Variants in JPH2 observed in about 807,000 individuals in gnomAD.
JPH2 encodes junctophilin 2.
In JPH2, 38 loss-of-function variants were observed where a neutral mutation model predicts 55.9. That is an observed-to-expected ratio of 0.68 (90% CI 0.52 to 0.89). The LOEUF (loss-of-function observed/expected upper bound fraction) is 0.89. Among genes scored for constraint, JPH2 ranks in the 40% least tolerant of loss-of-function variants. The pLI is 0.00. For missense variants in JPH2, 964 were observed against 1,037.6 expected, an observed-to-expected ratio of 0.93 and a Z score of 0.97; for synonymous variants, 480 against 472.4, an observed-to-expected ratio of 1.02 and a Z score of -0.21.
At chr20:44,157,746 C>T (rs2072575820) in intron 2 of JPH2, among the ~76,000 whole-genome samples, 1 of 152,224 alleles carries the variant, frequency 6.6e-6, no homozygotes, top group Non-Finnish European at 1.5e-5. Context: ...CTGCCCACAT[C>T]AACGAGCTAA....
chr20:44,116,116 C>T lies in JPH2; in HGVS notation c.1559G>A (p.Gly520Asp). ...GAWNGEPSGE[G>D]SRSVTPSEGA... ...CTCGGACGGAGTGACTGACCGGCTGCCCTCACCGCTGGGCTCGCCGTTCCA... is the reference window on the plus strand; with the variant it reads ...CTCGGACGGAGTGACTGACCGGCTGTCCTCACCGCTGGGCTCGCCGTTCCA... The change falls in exon 4 of 6, where the codon GGC becomes GAC. Residue 520 changes from glycine to aspartate, a missense_variant. Transcript: ENST00000372980. The T allele has an allele frequency of 6.8e-7, 1 of 1,472,226 alleles. No homozygotes were observed. Among genetic ancestry groups the T allele is most frequent in the Non-Finnish European group, 8.9e-7 (1 of 1,123,136 alleles). 91.2% of individuals were successfully genotyped at this position (1,472,226 alleles called of 1,614,324 possible). A position where few individuals can be genotyped will look rare whatever the true frequency, so the allele number is the denominator to read the frequency against.
intron 2 of JPH2, among the ~76,000 whole-genome samples, chr20:44,148,416 A>T (rs1482303562): frequency 1.3e-5 from 2 of 152,074 alleles, no homozygotes; most frequent in African/African-American, 2.4e-5. Context: ...CTCCCGTTCC[A>T]GTGCTCCTTC....
In JPH2 at chr20:44,111,339, G is replaced by A. The variant is rs913107007; in HGVS notation, c.*2179C>T. Among the ~76,000 whole-genome samples, 2 of 152,166 alleles carry A rather than the reference G, an allele frequency of 1.3e-5. No homozygotes were observed. The highest frequency in any genetic ancestry group is 4.8e-5 in the African/African-American group (2 of 41,440). ...CATCTAATGTAATCCTCACTACCAG[G>A]AGGTAGGCTCTGTAATTATCCCCAT... On this transcript the variant is annotated 3_prime_UTR_variant, in exon 6 of 6. Transcript: ENST00000372980.
rs953910487 is a variant in JPH2 at position 44,111,261 on chromosome 20, T to C, written c.*2257A>G. Among the ~76,000 whole-genome samples the C allele has an allele frequency of 2.0e-5, 3 of 152,182 alleles. No individual in the cohort carries two copies. Among genetic ancestry groups the C allele is most frequent in the Admixed American group, 1.3e-4 (2 of 15,276 alleles). ...GCTTGTAGCAGAGCTAACAGCACCA[T>C]AGCGTGATAACAACACTCGTCTCCA... On this transcript the variant is annotated 3_prime_UTR_variant, in exon 6 of 6. Coordinates refer to ENST00000372980, the MANE Select transcript of JPH2 (RefSeq NM_020433.5).
At chr20:44,162,813 C>T (rs2028473) in intron 1 of JPH2, among the ~76,000 whole-genome samples, 58,602 of 113,338 alleles carry the variant, frequency 0.52, 16,187 homozygotes, top group Admixed American at 0.65. Flanking sequence ...CACACACACA[C>T]ACACACACAC....
chr20:44,129,823 A>C (rs944624809), intron 2 of JPH2, among the ~76,000 whole-genome samples: 7 of 152,136 alleles, frequency 4.6e-5, no homozygotes, highest in African/African-American at 1.7e-4. Context: ...TTGATAACAG[A>C]AGAGGAGAAG....
chr20:44,171,474 A>C (rs1353928854), intron 1 of JPH2, among the ~76,000 whole-genome samples: 1 of 152,166 alleles, frequency 6.6e-6, no homozygotes, highest in Admixed American at 6.5e-5. Context: ...GGGGTAGCCT[A>C]GAATCTACTA....
intron 1 of JPH2, among the ~76,000 whole-genome samples, chr20:44,161,392 T>G (rs1245888438): frequency 6.6e-6 from 1 of 152,038 alleles, no homozygotes; most frequent in East Asian, 1.9e-4. Flanking sequence ...TGCCTTATGT[T>G]AGCAGCCATC....
At chr20:44,164,951 C>T in intron 1 of JPH2, among the ~76,000 whole-genome samples, 1 of 151,792 alleles carries the variant, frequency 6.6e-6, no homozygotes, top group East Asian at 1.9e-4. Context: ...GATTCTCCTG[C>T]CTCAGCCTTC....
At chr20:44,121,848 C>A (rs976193682) in intron 2 of JPH2, among the ~76,000 whole-genome samples, 1 of 151,962 alleles carries the variant, frequency 6.6e-6, no homozygotes, top group Non-Finnish European at 1.5e-5. Context: ...AAAAAATTAG[C>A]CAGGTGTGGT....
chr20:44,148,680 T>G (rs371853555), intron 2 of JPH2, among the ~76,000 whole-genome samples: 30 of 151,984 alleles, frequency 2.0e-4, no homozygotes, highest in African/African-American at 6.8e-4. Context: ...TCCCCCACAA[T>G]CTAAGGTGGG....
chr20:44,175,847 G>T (rs2072729458), intron 1 of JPH2, among the ~76,000 whole-genome samples: 1 of 152,238 alleles, frequency 6.6e-6, no homozygotes, highest in Non-Finnish European at 1.5e-5. Context: ...AAATGATTGT[G>T]TGTGCAGAAG....
At chr20:44,141,361 G>C (rs919630926) in intron 2 of JPH2, among the ~76,000 whole-genome samples, 1 of 152,112 alleles carries the variant, frequency 6.6e-6, no homozygotes, top group African/African-American at 2.4e-5. Flanking sequence ...CTGAGTGTGA[G>C]GACAAAAGCC....
Position 44,107,610 on chromosome 20 carries a change from CATT to C in JPH2, c.*5905_*5907del, listed in dbSNP as rs1281220052. Among the ~76,000 whole-genome samples, 1 of 152,178 alleles carries C rather than the reference CATT, an allele frequency of 6.6e-6. No homozygotes were observed. The highest frequency in any genetic ancestry group is 1.5e-5 in the Non-Finnish European group (1 of 68,036). ...ATGGAAAAAACCTGGGTCCCTGAAT[CATT>C]ATGATGAGGGACAGCTATTCTATGA... On this transcript the variant is annotated 3_prime_UTR_variant, in exon 6 of 6. Transcript: ENST00000372980.
At chr20:44,114,740 G>T in intron 5 of JPH2, 42 bp downstream of exon 5, 1 of 1,453,632 alleles carries the variant, frequency 6.9e-7, no homozygotes, top group Non-Finnish European at 9.5e-7. Context: ...ACTCCCCAGG[G>T]GCTCCTGCCC....
intron 2 of JPH2, among the ~76,000 whole-genome samples, chr20:44,139,154 C>G (rs538014625): frequency 2.6e-5 from 4 of 152,118 alleles, no homozygotes; most frequent in South Asian, 2.1e-4. Flanking sequence ...TTTTTTCCCC[C>G]CAAGGACAAG....
intron 2 of JPH2, among the ~76,000 whole-genome samples, chr20:44,139,410 C>G (rs2072439537): frequency 6.6e-6 from 1 of 152,120 alleles, no homozygotes; most frequent in Non-Finnish European, 1.5e-5. Context: ...CTGGAAACTA[C>G]CCAAACATCC....
intron 2 of JPH2, among the ~76,000 whole-genome samples, chr20:44,148,103 C>T (rs1170615542): frequency 2.6e-5 from 4 of 152,082 alleles, no homozygotes; most frequent in Admixed American, 6.5e-5. Context: ...GCAGAGGTTG[C>T]GGTGAGCCAA....
intron 2 of JPH2, among the ~76,000 whole-genome samples, chr20:44,140,793 T>C (rs936138114): frequency 4.6e-5 from 7 of 152,122 alleles, no homozygotes; most frequent in African/African-American, 1.7e-4. Context: ...AATAATTTTT[T>C]TAAGCTGCCA....
Sources: allele counts gnomAD v4.1 joint callset (sites outside exome capture counted in the v4.1 genomes callset), GRCh38; gene constraint gnomAD v4.1.1; transcripts MANE v1.5; gene names NCBI Gene and HGNC (gene_info 2026-07-23, HGNC 2026-07-21).